The following SORCS1 variants were observed in gnomAD, a reference collection of about 807,000 sequenced individuals.
SORCS1 encodes VPS10 domain-containing receptor SorCS1.
A neutral mutation model predicts 146.1 loss-of-function variants in SORCS1; 60 were observed. That is an observed-to-expected ratio of 0.41 (90% CI 0.33 to 0.51). The LOEUF (loss-of-function observed/expected upper bound fraction) is 0.51, where lower values mean the gene tolerates loss of function less well. SORCS1 is among the 20% of genes least tolerant of loss of function. The pLI, the probability that SORCS1 is intolerant of heterozygous loss-of-function variation, is 0.21. For missense variants in SORCS1, 1,352 were observed against 1,487.6 expected (o/e 0.91, Z 1.50); for synonymous variants, 637 against 584.0 (o/e 1.09, Z -1.31).
chr10:107,177,617 A>G, the SORCS1 span, among the ~76,000 whole-genome samples: 52 of 152,340 alleles, frequency 3.4e-4, no homozygotes, highest in East Asian at 8.7e-3. Context: ...AAAAAGATTT[A>G]TTTATATATT....
chr10:106,935,075 A>T (rs942219820), intron 2 of SORCS1, among the ~76,000 whole-genome samples: 1 of 152,082 alleles, frequency 6.6e-6, no homozygotes, highest in Non-Finnish European at 1.5e-5. Flanking sequence ...AATTAAAAAA[A>T]TACTTACAAA....
chr10:107,087,011 G>A (rs1963813660), intron 1 of SORCS1, among the ~76,000 whole-genome samples: 1 of 152,250 alleles, frequency 6.6e-6, no homozygotes, highest in African/African-American at 2.4e-5. Context: ...CTGGGCAACA[G>A]AGCGTGACTT....
intron 1 of SORCS1, among the ~76,000 whole-genome samples, chr10:107,088,141 G>GTCT (rs1565025271): frequency 5.0e-5 from 6 of 119,636 alleles, no homozygotes; most frequent in Admixed American, 8.2e-5. Context: ...GATGGTCTCG[G>GTCT]CCTCCCAAAG....
chr10:106,624,695 T>C (rs1847981385), intron 19 of SORCS1, among the ~76,000 whole-genome samples: 1 of 152,172 alleles, frequency 6.6e-6, no homozygotes. Context: ...TCAAGACACA[T>C]AGTACGTTGG....
chr10:106,980,880 C>G (rs1382288112), intron 1 of SORCS1, among the ~76,000 whole-genome samples: 3 of 152,020 alleles, frequency 2.0e-5, no homozygotes, highest in Admixed American at 2.0e-4. Context: ...GTTAACAGGT[C>G]ATCAATTCTT....
At chr10:106,766,904 C>T (rs1283556529) in intron 4 of SORCS1, among the ~76,000 whole-genome samples, 1 of 152,146 alleles carries the variant, frequency 6.6e-6, no homozygotes, top group African/African-American at 2.4e-5. Context: ...TGAAGACATG[C>T]AGAAAAAGTG....
intron 9 of SORCS1, among the ~76,000 whole-genome samples, chr10:106,691,604 A>T (rs187054165): frequency 6.6e-6 from 1 of 152,280 alleles, no homozygotes; most frequent in East Asian, 1.9e-4. Context: ...ATGGTCTCAG[A>T]ACACTTCCTT....
intron 21 of SORCS1, 58 bp downstream of exon 21, chr10:106,618,091 C>G (rs1036614358): frequency 1.2e-5 from 19 of 1,604,834 alleles, no homozygotes; most frequent in Non-Finnish European, 1.5e-5. Flanking sequence ...CATCATGGCA[C>G]AAGAGAACCT....
intron 18 of SORCS1, among the ~76,000 whole-genome samples, chr10:106,638,624 T>C (rs571573057): frequency 3.0e-4 from 46 of 152,334 alleles, no homozygotes; most frequent in Non-Finnish European, 6.0e-4. Context: ...TAAACTTTTA[T>C]ACCTAGTATC....
Position 106,578,873 on chromosome 10 carries a change from A to G in SORCS1, c.3371+496T>C, listed in dbSNP as rs17120963. The stretch of plus-strand genomic sequence containing the variant: ...TTAGGGAGGGTTTTGCAAAAGGAGG[A>G]ATAAACTAATGAGAGAAAAAAACTA... On this transcript the variant is annotated intron_variant, in intron 25 of 25. Coordinates refer to ENST00000263054, the MANE Select transcript of SORCS1 (RefSeq NM_052918.5). 8.8e-4 allele frequency: 1,227 copies of G among 1,394,332 alleles called. 13 individuals are homozygous for G. The African/African-American group carries it at 0.017, about 19-fold the overall frequency. The allele number at this position is 1,394,332 out of a possible 1,614,324, so 86.4% of individuals were successfully genotyped here.
intron 17 of SORCS1, chr10:106,667,443 A>C: frequency 2.2e-6 from 1 of 448,954 alleles, no homozygotes; most frequent in Non-Finnish European, 4.0e-6. Flanking sequence ...CACTTTTAAT[A>C]TCATCATTGT....
chr10:106,823,222 C>G (rs1459868176), intron 3 of SORCS1, among the ~76,000 whole-genome samples: 1 of 152,106 alleles, frequency 6.6e-6, no homozygotes, highest in Non-Finnish European at 1.5e-5. Flanking sequence ...GTCATGCACC[C>G]CCTTTGATGT....
chr10:106,890,888 A>T (rs1360241426), intron 2 of SORCS1, among the ~76,000 whole-genome samples: 1 of 152,168 alleles, frequency 6.6e-6, no homozygotes, highest in Admixed American at 6.5e-5. Context: ...TTGAATAAAT[A>T]ATCCTATGAA....
chr10:106,946,422 T>C (rs1389235361), intron 2 of SORCS1, among the ~76,000 whole-genome samples: 3 of 152,220 alleles, frequency 2.0e-5, no homozygotes, highest in South Asian at 2.1e-4. Flanking sequence ...AATTGAATCA[T>C]GGGAGCGGGT....
upstream of SORCS1, among the ~76,000 whole-genome samples, chr10:107,165,292 A>AGAGTGTGTGT (rs113141732): frequency 3.5e-5 from 5 of 142,718 alleles, no homozygotes; most frequent in African/African-American, 5.3e-5. This position sits in a 1 kb window ranked among gnomAD's most constrained non-coding sequence, Gnocchi z 4.0. Context: ...CTCGTGTGTG[A>AGAGTGTGTGT]GTGTGTGTGT....
intron 1 of SORCS1, among the ~76,000 whole-genome samples, chr10:107,122,852 T>C (rs1666480283): frequency 6.6e-6 from 1 of 152,192 alleles, no homozygotes; most frequent in Non-Finnish European, 1.5e-5. Flanking sequence ...GAAATAACGA[T>C]AAGCAAATGC....
intron 6 of SORCS1, among the ~76,000 whole-genome samples, chr10:106,714,944 G>A (rs1457442234): frequency 6.6e-6 from 1 of 152,196 alleles, no homozygotes; most frequent in Non-Finnish European, 1.5e-5. Flanking sequence ...AGCCCCGGAA[G>A]AGGTCTTCAA....
chr10:106,741,587 G>C (rs895108283), intron 5 of SORCS1, among the ~76,000 whole-genome samples: 2 of 152,054 alleles, frequency 1.3e-5, no homozygotes, highest in African/African-American at 4.8e-5. Context: ...GACAGAGTGA[G>C]ACTCTTTGTC....
At chr10:106,808,033 T>A (rs925656243) in intron 3 of SORCS1, among the ~76,000 whole-genome samples, 7 of 150,292 alleles carry the variant, frequency 4.7e-5, no homozygotes, top group Non-Finnish European at 7.4e-5. Flanking sequence ...TTTATTTTTA[T>A]TTTTTTGATG....
Sources: allele counts gnomAD v4.1 joint callset (sites outside exome capture counted in the v4.1 genomes callset), GRCh38; gene constraint gnomAD v4.1.1; non-coding constraint Gnocchi (gnomAD v3.1); transcripts MANE v1.5; gene names NCBI Gene and HGNC (gene_info 2026-07-23, HGNC 2026-07-21).